EIF4E1B: variants seen among roughly 807,000 people sequenced by gnomAD.
The protein encoded by EIF4E1B is eukaryotic translation initiation factor 4E type 1B.
In EIF4E1B, 22 loss-of-function variants were observed where a neutral mutation model predicts 31.3. That is an observed-to-expected ratio of 0.70 (90% CI 0.50 to 1.00). The LOEUF (loss-of-function observed/expected upper bound fraction) is 1.00. Ranked by LOEUF, EIF4E1B falls within the 50% of genes least tolerant of loss-of-function variation. The pLI is 0.00. For synonymous variants in EIF4E1B, 126 were observed against 120.2 expected, an observed-to-expected ratio of 1.05 and a Z score of -0.31; for missense variants, 290 against 311.6, an observed-to-expected ratio of 0.93 and a Z score of 0.52.
intron 4 of EIF4E1B, 136 bp from the exon 5 acceptor site, chr5:176,643,503 A>G (rs1378815246): frequency 1.1e-6 from 1 of 899,730 alleles, no homozygotes; most frequent in African/African-American, 1.7e-5. Context: ...CATTCACCTG[A>G]GAGGGGAATG....
chr5:176,646,031 C>T lies in EIF4E1B; in HGVS notation c.*51C>T, dbSNP rs1472391277. ...TAATGGGACAGCCGCCACTGAGCCT[C>T]ATTACTTTGGGGGATGGGGCGGGAC... On this transcript the variant is annotated 3_prime_UTR_variant, in exon 9 of 9. Transcript: ENST00000318682. 3 of 1,500,016 alleles carry T rather than the reference C, an allele frequency of 2.0e-6. No individual in the cohort carries two copies. The highest frequency in any genetic ancestry group is 1.4e-5 in the African/African-American group (1 of 71,564). The allele number at this position is 1,500,016 out of a possible 1,614,324, so 92.9% of individuals were successfully genotyped here.
chr5:176,642,745 T>G lies in EIF4E1B; in HGVS notation c.-43T>G. On this transcript the variant is annotated 5_prime_UTR_variant, in exon 3 of 9. Transcript: ENST00000318682. ...CCATGGTGTGGGGCTTGGTCACAGC[T>G]GCTTCCCCAGCCCCAGGCCTGCACG... 6.4e-7 allele frequency: 1 copy of G among 1,554,634 alleles called. No individual in the cohort carries two copies. Among genetic ancestry groups the G allele is most frequent in the African/African-American group, 1.4e-5 (1 of 72,844 alleles).
Position 176,645,598 on chromosome 5 carries a change from G to T in EIF4E1B, c.614+82G>T. ...GGTGGAGGGGGCTTGGCCTGCATGG[G>T]AGACCTCTGAAAGTCTCCATAGCCT... On this transcript the variant is annotated intron_variant, in intron 8 of 8. Coordinates refer to ENST00000318682, the MANE Select transcript of EIF4E1B (RefSeq NM_001099408.2). The surrounding 1 kb of genome is among the most constrained non-coding windows in gnomAD (Gnocchi z 5.4). 1 of 1,442,812 alleles carries T rather than the reference G, an allele frequency of 6.9e-7. No individual in the cohort carries two copies. Among genetic ancestry groups the T allele is most frequent in the Non-Finnish European group, 9.1e-7 (1 of 1,096,132 alleles). The allele number at this position is 1,442,812 out of a possible 1,614,324, so 89.4% of individuals were successfully genotyped here.
Position 176,631,025 on chromosome 5 carries a change from A to T in EIF4E1B, c.-241A>T, listed in dbSNP as rs1258558511. 1 of 152,448 alleles carries T rather than the reference A, an allele frequency of 6.6e-6. No homozygotes were observed. Among genetic ancestry groups the T allele is most frequent in the African/African-American group, 2.4e-5 (1 of 41,452 alleles). The allele number at this position is 152,448 out of a possible 1,614,324, so 9.4% of individuals were successfully genotyped here. ...AGTGGTGGAAGACAGGACAGAAAAT[A>T]AACGGATCAACATCCAAAGCAACAA... On this transcript the variant is annotated 5_prime_UTR_variant, in exon 1 of 9. It removes the in-frame stop codon of an upstream open reading frame in the 5' UTR. Coordinates refer to ENST00000318682, the MANE Select transcript of EIF4E1B (RefSeq NM_001099408.2).
rs539600277 is a variant in EIF4E1B, at chr5:176,638,893, G to A, written c.-201-3150G>A. Among the ~76,000 whole-genome samples, 1 of 152,314 alleles carries A rather than the reference G, an allele frequency of 6.6e-6. No individual in the cohort carries two copies. Among genetic ancestry groups the A allele is most frequent in the South Asian group, 2.1e-4 (1 of 4,826 alleles). On this transcript the variant is annotated intron_variant, in intron 1 of 8. Transcript: ENST00000318682. This position sits in a 1 kb window ranked among gnomAD's most constrained non-coding sequence, Gnocchi z 4.3. The stretch of plus-strand genomic sequence containing the variant: ...CAATTCAAGTGATTCTCCTGCCTCA[G>A]CCTCCCAAGTAGCTGGGATTACAGG...
chr5:176,642,462 A>G (rs1760595068), intron 2 of EIF4E1B, among the ~76,000 whole-genome samples: 1 of 152,224 alleles, frequency 6.6e-6, no homozygotes. Context: ...AGATTCCTTC[A>G]TCTCTAGTCA....
In EIF4E1B at chr5:176,645,631, T is replaced by A. The variant is rs375195949; in HGVS notation, c.614+115T>A. ...TGAAAGTCTCCATAGCCTCCCTCCC[T>A]TCTGCCTTGCCCACCTGTATGGAAG... is the stretch of plus-strand genomic sequence containing the variant. On this transcript the variant is annotated intron_variant, in intron 8 of 8. Transcript: ENST00000318682. This position sits in a 1 kb window ranked among gnomAD's most constrained non-coding sequence, Gnocchi z 5.4. The A allele has an allele frequency of 2.9e-6, 4 of 1,384,414 alleles. No homozygotes were observed. The African/African-American group carries it at 5.8e-5, about 20-fold the overall frequency. 85.8% of individuals were successfully genotyped at this position (1,384,414 alleles called of 1,614,324 possible).
intron 5 of EIF4E1B, 44 bp downstream of exon 5, chr5:176,643,778 G>C (rs778336353): frequency 6.4e-7 from 1 of 1,574,294 alleles, no homozygotes; most frequent in Non-Finnish European, 8.7e-7. Context: ...GGGGCTCTGA[G>C]CTCTGGGCTC....
chr5:176,645,814 C>T lies in EIF4E1B; in HGVS notation c.615-52C>T, dbSNP rs992930595. On this transcript the variant is annotated intron_variant, in intron 8 of 8. Transcript: ENST00000318682. This position sits in a 1 kb window ranked among gnomAD's most constrained non-coding sequence, Gnocchi z 5.4. ...CTGGTGGCCTAAGTTATCTCTAGGA[C>T]CCTCTGATGACTACCTGTGTCTCTT... is the stretch of plus-strand genomic sequence containing the variant. 92 of 1,462,152 alleles carry T rather than the reference C, an allele frequency of 6.3e-5. 1 individual carries two copies. The South Asian group carries it at 8.7e-4, about 14-fold the overall frequency. 90.6% of individuals were successfully genotyped at this position (1,462,152 alleles called of 1,614,324 possible).
intron 1 of EIF4E1B, among the ~76,000 whole-genome samples, chr5:176,636,726 C>A (rs1296687557): frequency 6.6e-6 from 1 of 152,230 alleles, no homozygotes; most frequent in East Asian, 1.9e-4. Context: ...GCCAAGTACT[C>A]CATCCATTAC....
intron 6 of EIF4E1B, 92 bp downstream of exon 6, chr5:176,644,531 G>A: frequency 1.5e-6 from 2 of 1,294,738 alleles, no homozygotes; most frequent in Non-Finnish European, 1.1e-6. Context: ...AGGGGTGGGG[G>A]TGGGGAGCTA....
chr5:176,644,939 G>A (rs1405413345), intron 6 of EIF4E1B, among the ~76,000 whole-genome samples, 191 bp from the exon 7 acceptor site: 2 of 152,172 alleles, frequency 1.3e-5, no homozygotes, highest in Non-Finnish European at 2.9e-5. Context: ...GGCTATACAA[G>A]GTGACCAGTG....
chr5:176,644,031 G>C, intron 5 of EIF4E1B: 1 of 555,130 alleles, frequency 1.8e-6, no homozygotes, highest in South Asian at 2.4e-5. Flanking sequence ...GCTGCAAAGG[G>C]AGGACTCGGC....
intron 1 of EIF4E1B, among the ~76,000 whole-genome samples, chr5:176,634,339 C>T (rs373920021): frequency 7.2e-5 from 11 of 151,932 alleles, no homozygotes; most frequent in African/African-American, 2.2e-4. Flanking sequence ...AAGGTTGGGG[C>T]GGGAAAAGGG....
At chr5:176,635,489 C>T (rs1760478042) in intron 1 of EIF4E1B, among the ~76,000 whole-genome samples, 1 of 152,154 alleles carries the variant, frequency 6.6e-6, no homozygotes, top group Non-Finnish European at 1.5e-5. Flanking sequence ...GTGGGACAGT[C>T]CAGAGTGTCG....
At chr5:176,640,294 A>C (rs1026183766) in intron 1 of EIF4E1B, among the ~76,000 whole-genome samples, 2 of 152,238 alleles carry the variant, frequency 1.3e-5, no homozygotes, top group South Asian at 4.1e-4. Context: ...GTGAGTGAGC[A>C]GATGACTCCA....
At chr5:176,635,828 T>C (rs535965964) in intron 1 of EIF4E1B, among the ~76,000 whole-genome samples, 1 of 152,268 alleles carries the variant, frequency 6.6e-6, no homozygotes, top group African/African-American at 2.4e-5. Context: ...TTCTTTCCTT[T>C]TTTTTTGAGA....
intron 1 of EIF4E1B, among the ~76,000 whole-genome samples, chr5:176,639,619 A>G (rs1283522666): frequency 6.6e-6 from 1 of 151,996 alleles, no homozygotes; most frequent in Non-Finnish European, 1.5e-5. Flanking sequence ...CTTTTTCTTC[A>G]TCAGATCTAG....
chr5:176,646,210 AG>A lies in EIF4E1B; in HGVS notation c.*233del. On this transcript the variant is annotated 3_prime_UTR_variant, in exon 9 of 9. Coordinates refer to ENST00000318682, the MANE Select transcript of EIF4E1B (RefSeq NM_001099408.2). ...TGTCCTGGGGCCACAGGACAGCAGC[AG>A]GGTGGAAAAAACTCCTGAGGGTGGG... The A allele has an allele frequency of 2.1e-6, 1 of 468,696 alleles. No individual in the cohort carries two copies. Among genetic ancestry groups the A allele is most frequent in the Non-Finnish European group, 3.9e-6 (1 of 257,508 alleles). The allele number at this position is 468,696 out of a possible 1,614,324, so 29.0% of individuals were successfully genotyped here.
Sources: allele counts gnomAD v4.1 joint callset (sites outside exome capture counted in the v4.1 genomes callset), GRCh38; gene constraint gnomAD v4.1.1; non-coding constraint Gnocchi (gnomAD v3.1); transcripts MANE v1.5; gene names NCBI Gene and HGNC (gene_info 2026-07-23, HGNC 2026-07-21).